Variants in ARMC1 observed in about 807,000 individuals in gnomAD.
ARMC1 encodes armadillo repeat-containing protein 1.
Under a neutral mutation model 31.4 loss-of-function variants are expected in ARMC1, and 16 were observed. The ratio of observed to expected loss-of-function variants is 0.51; its 90% confidence interval spans 0.34 to 0.77. ARMC1 has a LOEUF of 0.77. Ranked by LOEUF, ARMC1 falls within the 30% of genes least tolerant of loss-of-function variation. The probability of loss-of-function intolerance (pLI) is 0.01; values close to 1 mark genes in which losing one functional copy is unlikely to be tolerated. For synonymous variants in ARMC1, 114 were observed against 118.9 expected (o/e 0.96, Z 0.27); for missense variants, 259 against 347.5 (o/e 0.75, Z 2.02).
chr8:65,610,584 A>T (rs2129041429), intron 4 of ARMC1, among the ~76,000 whole-genome samples: 1 of 152,078 alleles, frequency 6.6e-6, no homozygotes, highest in African/African-American at 2.4e-5. Context: ...AATCCCAGCT[A>T]CTTGGGAGGC....
At position 65,607,566 on chromosome 8, in the gene ARMC1, A is replaced by G. The variant is rs1284601143; in HGVS notation, c.466-2028T>C. Among the ~76,000 whole-genome samples, 7 of 152,340 alleles carry G rather than the reference A, an allele frequency of 4.6e-5. 1 individual carries two copies. In the South Asian group the frequency reaches 1.4e-3, roughly 32 times the overall value. ...ATTGCCTGCCTCCTCCAACTATGCT[A>G]GCTCCAAGAGAGCAAAAAGTTTTGC... On this transcript the variant is annotated intron_variant, in intron 4 of 6. Transcript: ENST00000276569.
At chr8:65,608,874 G>C (rs1261866869) in intron 4 of ARMC1, among the ~76,000 whole-genome samples, 1 of 151,710 alleles carries the variant, frequency 6.6e-6, no homozygotes, top group Non-Finnish European at 1.5e-5. Flanking sequence ...GTGTCACACT[G>C]ATCTCCAGCC....
At chr8:65,617,577 C>G (rs2129042513) in intron 3 of ARMC1, among the ~76,000 whole-genome samples, 1 of 151,892 alleles carries the variant, frequency 6.6e-6, no homozygotes, top group Middle Eastern at 3.4e-3. Flanking sequence ...TCTGACCCTG[C>G]CAAATCCCCC....
intron 2 of ARMC1, among the ~76,000 whole-genome samples, chr8:65,624,952 C>G (rs187135025): frequency 6.6e-6 from 1 of 152,260 alleles, no homozygotes; most frequent in Admixed American, 6.5e-5. Context: ...GAAAAACCGT[C>G]TCTACTAAAA....
In ARMC1 at chr8:65,605,255, AC is replaced by A. The variant is rs1366394537; in HGVS notation, c.657+7del. ...TTGGATATAAAGAAAATTAAACACA[AC>A]TTTTACCTCTTCTCCACTTTCACTT... is the stretch of plus-strand genomic sequence containing the variant. On this transcript the variant is annotated splice_region_variant and intron_variant, in intron 6 of 6. Transcript: ENST00000276569. The A allele has an allele frequency of 1.2e-6, 2 of 1,607,574 alleles. No individual in the cohort carries two copies. Among genetic ancestry groups the A allele is most frequent in the South Asian group, 2.2e-5 (2 of 89,490 alleles).
At chr8:65,618,415 G>A (rs1376632764) in intron 3 of ARMC1, among the ~76,000 whole-genome samples, 5 of 151,532 alleles carry the variant, frequency 3.3e-5, no homozygotes, top group African/African-American at 1.2e-4. Context: ...CCAGCTACTC[G>A]GGAGGCCGAG....
At chr8:65,612,120 C>CA (rs1279071401) in intron 4 of ARMC1, among the ~76,000 whole-genome samples, 1 of 152,066 alleles carries the variant, frequency 6.6e-6, no homozygotes, top group Non-Finnish European at 1.5e-5. Flanking sequence ...TTATTCAGTT[C>CA]AAAATGCTAA....
intron 1 of ARMC1, among the ~76,000 whole-genome samples, chr8:65,630,138 G>C (rs1409611666): frequency 6.6e-6 from 1 of 152,008 alleles, no homozygotes; most frequent in African/African-American, 2.4e-5. Flanking sequence ...GAGCTAGACT[G>C]TCTCAAAAGC....
At chr8:65,616,899 G>T (rs1258786952) in intron 3 of ARMC1, among the ~76,000 whole-genome samples, 1 of 151,438 alleles carries the variant, frequency 6.6e-6, no homozygotes, top group East Asian at 2.0e-4. Context: ...CCGCCCGGCA[G>T]CCGCCCCGTC....
chr8:65,612,223 G>A (rs568612570), intron 4 of ARMC1, among the ~76,000 whole-genome samples: 27 of 152,244 alleles, frequency 1.8e-4, no homozygotes, highest in Non-Finnish European at 3.8e-4. Context: ...GCTCTTTGCT[G>A]GGTTGAGGCA....
chr8:65,631,756 G>A (rs907583750), intron 1 of ARMC1, among the ~76,000 whole-genome samples: 7 of 152,084 alleles, frequency 4.6e-5, no homozygotes, highest in Admixed American at 2.0e-4. Flanking sequence ...TTTGCTGGGT[G>A]CAGTAACTCA....
In ARMC1 at chr8:65,632,180, G is replaced by C. The variant is rs964193582; in HGVS notation, c.-36+1818C>G. Among the ~76,000 whole-genome samples the C allele has an allele frequency of 1.1e-4, 17 of 152,094 alleles. No homozygotes were observed. The East Asian group carries it at 3.1e-3, about 28-fold the overall frequency. On this transcript the variant is annotated intron_variant, in intron 1 of 6. Coordinates refer to ENST00000276569, the MANE Select transcript of ARMC1 (RefSeq NM_018120.6). ...ATGGCCAGGTACCATGGCTCAGGCC[G>C]GTAATCCAAGCACTTTGGGAGGCCC...
intron 3 of ARMC1, among the ~76,000 whole-genome samples, chr8:65,619,963 A>T (rs1430610487): frequency 6.6e-6 from 1 of 150,708 alleles, no homozygotes; most frequent in Non-Finnish European, 1.5e-5. Context: ...CAGCCTGGGC[A>T]ACAGGATGAG....
intron 3 of ARMC1, 131 bp downstream of exon 3, chr8:65,622,132 A>G: frequency 1.5e-6 from 1 of 669,142 alleles, no homozygotes; most frequent in Non-Finnish European, 2.6e-6. Flanking sequence ...AATCATGCCT[A>G]TAATTCCAGC....
At chr8:65,623,324 A>AAAAAAAAAAAAAAAAC (rs1554541796) in intron 2 of ARMC1, among the ~76,000 whole-genome samples, 2 of 144,440 alleles carry the variant, frequency 1.4e-5, no homozygotes, top group African/African-American at 2.6e-5. Context: ...AAAAAAAAAA[A>AAAAAAAAAAAAAAAAC]TGCTGGGCGC....
rs1015814883 is a variant in ARMC1, at chr8:65,612,793, C to T, written c.465+451G>A. ...AGAAGAGACACCTGAACCCAGGAGG[C>T]GGAGGTTGCAATGAGCCAAGATTGC... On this transcript the variant is annotated intron_variant, in intron 4 of 6. Coordinates refer to ENST00000276569, the MANE Select transcript of ARMC1 (RefSeq NM_018120.6). Among the ~76,000 whole-genome samples the T allele has an allele frequency of 1.1e-4, 16 of 151,986 alleles. No individual in the cohort carries two copies. The East Asian group carries it at 1.4e-3, about 13-fold the overall frequency.
intron 2 of ARMC1, among the ~76,000 whole-genome samples, chr8:65,626,209 T>C (rs1279856803): frequency 6.6e-6 from 1 of 152,070 alleles, no homozygotes; most frequent in Admixed American, 6.6e-5. Flanking sequence ...ATGCAAAATA[T>C]ATAGGCATTT....
rs1807957236 is a variant in ARMC1, at chr8:65,604,430, T to C, written c.813A>G (p.Thr271=). The C allele has an allele frequency of 6.2e-7, 1 of 1,614,190 alleles. No homozygotes were observed. Among genetic ancestry groups the C allele is most frequent in the Admixed American group, 1.7e-5 (1 of 60,026 alleles). ...HPEGGASWLS[T]AANFLSRSFY... is the part of the protein sequence containing the mutation. ...ATGATCTGGATAAAAAGTTTGCAGC[T>C]GTGCTAAGCCAGCTAGCTCCACCTT... The change falls in exon 7 of 7, where the codon ACA becomes ACG. Residue 271 remains threonine, a synonymous_variant. Transcript: ENST00000276569.
At chr8:65,616,679 G>A (rs1386771664) in intron 3 of ARMC1, among the ~76,000 whole-genome samples, 1 of 151,470 alleles carries the variant, frequency 6.6e-6, no homozygotes, top group Non-Finnish European at 1.5e-5. Context: ...ATCACGTCTA[G>A]GAAGTGAGGA....
Sources: allele counts gnomAD v4.1 joint callset (sites outside exome capture counted in the v4.1 genomes callset), GRCh38; gene constraint gnomAD v4.1.1; transcripts MANE v1.5; gene names NCBI Gene and HGNC (gene_info 2026-07-23, HGNC 2026-07-21).